Variants in PDZD2 observed in about 807,000 individuals in gnomAD.
PDZD2 encodes PDZ domain-containing protein 2.
PDZD2 carries 90 observed loss-of-function variants against 220.7 expected under a neutral mutation model. The ratio of observed to expected loss-of-function variants is 0.41; its 90% CI spans 0.34 to 0.49. The LOEUF (loss-of-function observed/expected upper bound fraction) is 0.49. Ranked by LOEUF, PDZD2 falls within the 20% of genes least tolerant of loss-of-function variation. The pLI is 0.28. For synonymous variants in PDZD2, 1,375 were observed against 1,450.5 expected (o/e 0.95, Z 1.18); for missense variants, 3,174 against 3,608.5 (o/e 0.88, Z 3.08).
chr5:31,862,818 C>T (rs1034796597), intron 2 of PDZD2, among the ~76,000 whole-genome samples: 2 of 152,212 alleles, frequency 1.3e-5, no homozygotes, highest in Non-Finnish European at 2.9e-5. Flanking sequence ...ACCTCTGCCT[C>T]CCGGGTTCAG....
chr5:31,886,822 C>T (rs902309137), intron 2 of PDZD2, among the ~76,000 whole-genome samples: 7 of 152,100 alleles, frequency 4.6e-5, no homozygotes, highest in African/African-American at 7.2e-5. Context: ...CTCAGCCTCC[C>T]GAGTAGCTGG....
intron 6 of PDZD2, among the ~76,000 whole-genome samples, chr5:32,024,864 C>T (rs1754507886): frequency 6.6e-6 from 1 of 152,150 alleles, no homozygotes; most frequent in Non-Finnish European, 1.5e-5. Flanking sequence ...TGCCTTTGTA[C>T]TTTGAAAGCA....
intron 2 of PDZD2, among the ~76,000 whole-genome samples, chr5:31,880,870 C>T (rs1325306815): frequency 8.1e-6 from 1 of 123,874 alleles, no homozygotes; most frequent in African/African-American, 3.1e-5. Context: ...GGTGCAATCT[C>T]GGCGCACTGC....
At chr5:31,691,713 A>G (rs558429251) in intron 1 of PDZD2, among the ~76,000 whole-genome samples, 1 of 152,310 alleles carries the variant, frequency 6.6e-6, no homozygotes, top group South Asian at 2.1e-4. Flanking sequence ...CCATGTCCCC[A>G]TCAGATTAGC....
At chr5:31,963,029 G>A (rs1020633190) in intron 2 of PDZD2, among the ~76,000 whole-genome samples, 1 of 152,044 alleles carries the variant, frequency 6.6e-6, no homozygotes, top group African/African-American at 2.4e-5. Flanking sequence ...ATTTCCTGCT[G>A]AGAACACTTG....
At chr5:32,002,765 C>A (rs114343339) in intron 5 of PDZD2, among the ~76,000 whole-genome samples, 2 of 107,084 alleles carry the variant, frequency 1.9e-5, no homozygotes, top group Non-Finnish European at 3.5e-5. Flanking sequence ...ACCCCACACA[C>A]CACACACACC....
At chr5:32,021,875 AC>A (rs1308981790) in intron 6 of PDZD2, among the ~76,000 whole-genome samples, 4 of 152,018 alleles carry the variant, frequency 2.6e-5, no homozygotes, top group Non-Finnish European at 5.9e-5. Context: ...TCACCCACTT[AC>A]CCCTCCTCTT....
chr5:31,736,414 C>G (rs12517219), intron 1 of PDZD2, among the ~76,000 whole-genome samples: 3,041 of 152,254 alleles, frequency 0.02, 68 homozygotes, highest in South Asian at 0.053. Context: ...ATCCACAAGT[C>G]TACCAACAGC....
chr5:31,932,985 A>G (rs1745428634), intron 2 of PDZD2, among the ~76,000 whole-genome samples: 1 of 151,114 alleles, frequency 6.6e-6, no homozygotes, highest in Admixed American at 6.6e-5. Context: ...ATCTCGGCTC[A>G]CTGCAACCTC....
intron 1 of PDZD2, among the ~76,000 whole-genome samples, chr5:31,642,338 C>T (rs1744979801): frequency 6.6e-6 from 1 of 152,086 alleles, no homozygotes. Flanking sequence ...AAGAGCTATG[C>T]AGACAAGCCC....
chr5:31,799,947 C>T (rs748672818), intron 2 of PDZD2, among the ~76,000 whole-genome samples: 2 of 152,176 alleles, frequency 1.3e-5, no homozygotes, highest in African/African-American at 2.4e-5. Flanking sequence ...CCCATATCAC[C>T]TTAGTCCCAG....
chr5:32,021,177 G>C (rs1327454673), intron 6 of PDZD2, among the ~76,000 whole-genome samples: 1 of 151,716 alleles, frequency 6.6e-6, no homozygotes, highest in Non-Finnish European at 1.5e-5. Flanking sequence ...TGGAATCCAG[G>C]GCAGAAATTT....
chr5:31,975,642 C>T (rs1346907065), intron 2 of PDZD2, among the ~76,000 whole-genome samples: 1 of 152,140 alleles, frequency 6.6e-6, no homozygotes, highest in African/African-American at 2.4e-5. Context: ...GTGCACTGTT[C>T]TAGTCACATC....
intron 23 of PDZD2, 103 bp from the exon 24 acceptor site, chr5:32,101,002 C>A: frequency 6.3e-7 from 1 of 1,589,124 alleles, no homozygotes; most frequent in Non-Finnish European, 8.6e-7. Flanking sequence ...CTTGAGTGTG[C>A]CAGAAGTACA....
chr5:31,804,642 TTG>T (rs66681229), intron 2 of PDZD2, among the ~76,000 whole-genome samples: 5 of 152,028 alleles, frequency 3.3e-5, no homozygotes, highest in Non-Finnish European at 7.4e-5. Context: ...AACCACTGCA[TTG>T]TACGACCTCA....
intron 1 of PDZD2, among the ~76,000 whole-genome samples, chr5:31,786,992 ACT>A (rs1248035912): frequency 6.6e-6 from 1 of 152,038 alleles, no homozygotes; most frequent in Non-Finnish European, 1.5e-5. Flanking sequence ...AAAAAAAATC[ACT>A]CTGGTGTAAT....
chr5:31,999,803 C>G (rs10461699), intron 4 of PDZD2, among the ~76,000 whole-genome samples: 1 of 151,884 alleles, frequency 6.6e-6, no homozygotes, highest in Non-Finnish European at 1.5e-5. Context: ...GATTAAGAAA[C>G]GAATGACTCG....
intron 19 of PDZD2, among the ~76,000 whole-genome samples, chr5:32,078,781 G>C (rs1032646450): frequency 4.6e-5 from 7 of 150,890 alleles, no homozygotes; most frequent in African/African-American, 1.7e-4. Flanking sequence ...CTCCAGCCTG[G>C]GTGACAGAAC....
At chr5:31,692,256 G>A (rs1311028332) in intron 1 of PDZD2, among the ~76,000 whole-genome samples, 1 of 152,182 alleles carries the variant, frequency 6.6e-6, no homozygotes, top group Non-Finnish European at 1.5e-5. Context: ...CCGGCCGGGC[G>A]AGTGCGGGGT....
Sources: allele counts gnomAD v4.1 joint callset (sites outside exome capture counted in the v4.1 genomes callset), GRCh38; gene constraint gnomAD v4.1.1; transcripts MANE v1.5; gene names NCBI Gene and HGNC (gene_info 2026-07-23, HGNC 2026-07-21).